SH3GL2: variants seen among roughly 807,000 people sequenced by gnomAD.
The protein encoded by SH3GL2 is endophilin-A1.
SH3GL2 carries 24 observed loss-of-function variants against 46.0 expected under a neutral mutation model. That is an observed-to-expected ratio of 0.52 (90% confidence interval 0.38 to 0.73). SH3GL2 has a LOEUF of 0.73. SH3GL2 is among the 30% of genes least tolerant of loss of function. SH3GL2 has a pLI of 0.00. For missense variants in SH3GL2, 413 were observed against 424.2 expected, an observed-to-expected ratio of 0.97 and a Z score of 0.23; for synonymous variants, 196 against 147.1, an observed-to-expected ratio of 1.33 and a Z score of -2.40.
chr9:17,651,642 T>A (rs550860765), intron 1 of SH3GL2, among the ~76,000 whole-genome samples: 1 of 152,348 alleles, frequency 6.6e-6, no homozygotes, highest in South Asian at 2.1e-4. Flanking sequence ...TTTCTGCTTT[T>A]GTCTGTTTAA....
At chr9:17,608,700 C>T (rs548898836) in intron 1 of SH3GL2, among the ~76,000 whole-genome samples, 6 of 152,274 alleles carry the variant, frequency 3.9e-5, no homozygotes, top group Non-Finnish European at 5.9e-5. Flanking sequence ...TCTCTCCTTA[C>T]ATAAGTGTTT....
chr9:17,735,030 A>G (rs889342036), intron 1 of SH3GL2, among the ~76,000 whole-genome samples: 3 of 152,108 alleles, frequency 2.0e-5, no homozygotes, highest in Non-Finnish European at 4.4e-5. Flanking sequence ...AGTAACTTCA[A>G]AAGTGCTGCC....
At chr9:17,682,995 C>G (rs891731857) in intron 1 of SH3GL2, among the ~76,000 whole-genome samples, 2 of 152,156 alleles carry the variant, frequency 1.3e-5, no homozygotes, top group Non-Finnish European at 2.9e-5. Flanking sequence ...AGATAGTATA[C>G]AAAATGACTT....
At chr9:17,607,233 T>C (rs924450485) in intron 1 of SH3GL2, among the ~76,000 whole-genome samples, 1 of 152,200 alleles carries the variant, frequency 6.6e-6, no homozygotes, top group African/African-American at 2.4e-5. Flanking sequence ...CTAGGCTATA[T>C]GATGTAGTCC....
chr9:17,738,569 T>TATACATATGTGTGTGTGTATATACATAC lies in SH3GL2; in HGVS notation c.46-8494_46-8493insCATATGTGTGTGTGTATATACATACATA, dbSNP rs1563833753. Among the ~76,000 whole-genome samples the TATACATATGTGTGTGTGTATATACATAC allele has an allele frequency of 4.3e-3, 381 of 87,936 alleles. 4 individuals carry two copies. Among genetic ancestry groups the TATACATATGTGTGTGTGTATATACATAC allele is most frequent in the Middle Eastern group, 6.0e-3 (1 of 166 alleles). 57.7% of individuals were successfully genotyped at this position (87,936 alleles called of 152,430 possible). A position where few individuals can be genotyped will look rare whatever the true frequency, so the allele number is the denominator to read the frequency against. Reference sequence around the variant, plus strand: ...AAGTGTGTGTGTATATACATACATATATATATAGAGAGAGAGAGAGAGAGA... The same window carrying TATACATATGTGTGTGTGTATATACATAC: ...AAGTGTGTGTGTATATACATACATATATACATATGTGTGTGTGTATATACATACATATATAGAGAGAGAGAGAGAGAGA... On this transcript the variant is annotated intron_variant, in intron 1 of 8. Transcript: ENST00000380607.
chr9:17,672,604 C>A (rs2117972245), intron 1 of SH3GL2, among the ~76,000 whole-genome samples: 1 of 152,220 alleles, frequency 6.6e-6, no homozygotes, highest in East Asian at 1.9e-4. Context: ...GCAACAGAGC[C>A]ATGGTTTCTC....
chr9:17,786,848 C>T (rs1360531648), intron 4 of SH3GL2, among the ~76,000 whole-genome samples: 1 of 152,078 alleles, frequency 6.6e-6, no homozygotes, highest in Non-Finnish European at 1.5e-5. Context: ...TGAGCAGGCA[C>T]AGTCAGCATG....
chr9:17,667,700 A>G (rs1177408480), intron 1 of SH3GL2, among the ~76,000 whole-genome samples: 2 of 152,096 alleles, frequency 1.3e-5, no homozygotes, highest in Admixed American at 1.3e-4. Flanking sequence ...GTCATATGAT[A>G]AATTTATGTT....
At chr9:17,785,562 A>G (rs1823932038) in intron 3 of SH3GL2, among the ~76,000 whole-genome samples, 1 of 152,202 alleles carries the variant, frequency 6.6e-6, no homozygotes, top group Non-Finnish European at 1.5e-5. Context: ...GTCCTAGGTT[A>G]ATGTGTAATC....
At chr9:17,705,445 T>C (rs1282391915) in intron 1 of SH3GL2, among the ~76,000 whole-genome samples, 1 of 151,922 alleles carries the variant, frequency 6.6e-6, no homozygotes. Context: ...TGTATGCATA[T>C]GTTCAGCACA....
In SH3GL2 at chr9:17,634,190, A is replaced by G. The variant is rs528792874; in HGVS notation, c.45+54903A>G. On this transcript the variant is annotated intron_variant, in intron 1 of 8. Transcript: ENST00000380607. The stretch of plus-strand genomic sequence containing the variant: ...GTGGCTGTGGAGGTTGCATCGGTTA[A>G]CACTAGTGAAGTTCTGAGTGCAATG... Among the ~76,000 whole-genome samples the G allele has an allele frequency of 3.8e-4, 58 of 152,256 alleles. No homozygotes were observed. The South Asian group carries it at 9.5e-3, about 25-fold the overall frequency.
At chr9:17,736,688 C>G (rs1196039618) in intron 1 of SH3GL2, among the ~76,000 whole-genome samples, 1 of 152,112 alleles carries the variant, frequency 6.6e-6, no homozygotes, top group African/African-American at 2.4e-5. Flanking sequence ...CAAATACATT[C>G]AGATATCCAT....
intron 1 of SH3GL2, among the ~76,000 whole-genome samples, chr9:17,641,521 A>G (rs1819681634): frequency 6.6e-6 from 1 of 152,144 alleles, no homozygotes; most frequent in Non-Finnish European, 1.5e-5. Context: ...TACATGTGCC[A>G]TGGTAGTTTG....
intron 1 of SH3GL2, among the ~76,000 whole-genome samples, chr9:17,684,027 G>C (rs945595218): frequency 6.6e-6 from 1 of 152,028 alleles, no homozygotes; most frequent in Non-Finnish European, 1.5e-5. Flanking sequence ...AAGATGGCTG[G>C]CTTTTAACCA....
chr9:17,691,480 A>T (rs1385957280), intron 1 of SH3GL2, among the ~76,000 whole-genome samples: 1 of 152,158 alleles, frequency 6.6e-6, no homozygotes, highest in Non-Finnish European at 1.5e-5. Context: ...TGGGCGGCCT[A>T]CAAACAAATC....
At chr9:17,742,566 C>G (rs527941828) in intron 1 of SH3GL2, among the ~76,000 whole-genome samples, 1 of 152,206 alleles carries the variant, frequency 6.6e-6, no homozygotes, top group Non-Finnish European at 1.5e-5. Context: ...GTCTTATTTG[C>G]CTTGATTTAT....
intron 1 of SH3GL2, among the ~76,000 whole-genome samples, chr9:17,736,141 A>T (rs1287044719): frequency 1.3e-5 from 2 of 152,098 alleles, no homozygotes; most frequent in Non-Finnish European, 2.9e-5. Flanking sequence ...CTTAGCATTC[A>T]GGACATTCAG....
At chr9:17,645,473 T>C (rs1468496543) in intron 1 of SH3GL2, among the ~76,000 whole-genome samples, 2 of 152,214 alleles carry the variant, frequency 1.3e-5, no homozygotes, top group Non-Finnish European at 2.9e-5. Flanking sequence ...ATGTTGACGT[T>C]CTTTACAATT....
At chr9:17,624,309 C>T (rs1200779848) in intron 1 of SH3GL2, among the ~76,000 whole-genome samples, 1 of 152,132 alleles carries the variant, frequency 6.6e-6, no homozygotes, top group East Asian at 1.9e-4. Flanking sequence ...TCTTTCTTCC[C>T]TTGCAATAAG....
Sources: allele counts gnomAD v4.1 joint callset (sites outside exome capture counted in the v4.1 genomes callset), GRCh38; gene constraint gnomAD v4.1.1; transcripts MANE v1.5; gene names NCBI Gene and HGNC (gene_info 2026-07-23, HGNC 2026-07-21).